The following PDE4B variants were observed in gnomAD, a reference collection of about 807,000 sequenced individuals.
PDE4B encodes the protein 3',5'-cyclic-AMP phosphodiesterase 4B.
A neutral mutation model predicts 82.2 loss-of-function variants in PDE4B; 20 were observed. The ratio of observed to expected loss-of-function variants is 0.24; its 90% confidence interval spans 0.17 to 0.35. The LOEUF (loss-of-function observed/expected upper bound fraction) is 0.35, where lower values mean the gene tolerates loss of function less well. PDE4B is among the 10% of genes least tolerant of loss of function. The probability of loss-of-function intolerance (pLI) is 1.00; values close to 1 mark genes in which losing one functional copy is unlikely to be tolerated. For synonymous variants in PDE4B, 320 were observed against 318.9 expected (o/e 1.00, Z -0.04); for missense variants, 655 against 907.2 (o/e 0.72, Z 3.57).
chr1:66,201,893 T>C (rs1052749025), intron 3 of PDE4B, among the ~76,000 whole-genome samples: 9 of 152,086 alleles, frequency 5.9e-5, no homozygotes, highest in African/African-American at 2.2e-4. Context: ...TGCTAGCTTT[T>C]GAATGTGTTT....
chr1:66,201,669 T>A (rs1386685691), intron 3 of PDE4B, among the ~76,000 whole-genome samples: 1 of 146,176 alleles, frequency 6.8e-6, no homozygotes, highest in East Asian at 2.0e-4. Context: ...GTAGTTGGTA[T>A]TTCTGTGGGA....
intron 3 of PDE4B, among the ~76,000 whole-genome samples, chr1:66,087,356 C>G (rs138654608): frequency 2.0e-5 from 3 of 151,932 alleles, no homozygotes; most frequent in South Asian, 2.1e-4. Flanking sequence ...TTTTTTTCTT[C>G]TAAATTTGTT....
chr1:66,087,534 A>G (rs1035065231), intron 3 of PDE4B, among the ~76,000 whole-genome samples: 3 of 152,000 alleles, frequency 2.0e-5, no homozygotes, highest in African/African-American at 7.2e-5. Flanking sequence ...TTTTGTTGCC[A>G]TTGCTTTTGG....
At chr1:65,953,085 G>C (rs1649086896) in intron 3 of PDE4B, among the ~76,000 whole-genome samples, 1 of 152,044 alleles carries the variant, frequency 6.6e-6, no homozygotes, top group South Asian at 2.1e-4. Context: ...CAAGAGAGAA[G>C]CAGGAATTCT....
intron 1 of PDE4B, among the ~76,000 whole-genome samples, chr1:65,866,876 A>G (rs1646517686): frequency 6.6e-6 from 1 of 152,234 alleles, no homozygotes; most frequent in African/African-American, 2.4e-5. Flanking sequence ...TTGAATCTTG[A>G]CTAAAATTAT....
intron 1 of PDE4B, among the ~76,000 whole-genome samples, chr1:65,890,750 A>G (rs1646844163): frequency 1.3e-5 from 2 of 152,054 alleles, no homozygotes; most frequent in Non-Finnish European, 1.5e-5. Flanking sequence ...TAGAGGAGAC[A>G]TAATATAGAA....
chr1:66,115,497 A>G (rs568613725), intron 3 of PDE4B, among the ~76,000 whole-genome samples: 90 of 152,370 alleles, frequency 5.9e-4, no homozygotes, highest in African/African-American at 2.1e-3. Flanking sequence ...TGAATTCATC[A>G]AGCATTTGGG....
At chr1:66,319,352 C>T (rs566651283) in intron 7 of PDE4B, among the ~76,000 whole-genome samples, 1 of 152,184 alleles carries the variant, frequency 6.6e-6, no homozygotes, top group Non-Finnish European at 1.5e-5. Flanking sequence ...TTTCATTCTA[C>T]AAATAAAGAT....
At chr1:66,320,794 C>T (rs1045120165) in intron 7 of PDE4B, among the ~76,000 whole-genome samples, 1 of 152,096 alleles carries the variant, frequency 6.6e-6, no homozygotes, top group Admixed American at 6.6e-5. Context: ...TAGAGGTTTG[C>T]ATATGGTGTT....
chr1:65,944,809 G>A (rs1291843171), intron 3 of PDE4B, among the ~76,000 whole-genome samples: 1 of 151,816 alleles, frequency 6.6e-6, no homozygotes, highest in Non-Finnish European at 1.5e-5. Context: ...TTTCCCCATA[G>A]GCCCTATGAA....
chr1:65,963,785 C>T (rs1226147512), intron 3 of PDE4B, among the ~76,000 whole-genome samples: 1 of 152,156 alleles, frequency 6.6e-6, no homozygotes, highest in Non-Finnish European at 1.5e-5. Flanking sequence ...ACAATCATTG[C>T]CTTCCAAAAA....
intron 7 of PDE4B, among the ~76,000 whole-genome samples, chr1:66,269,176 G>A (rs1655280001): frequency 1.3e-5 from 2 of 152,176 alleles, no homozygotes; most frequent in Non-Finnish European, 2.9e-5. Flanking sequence ...TTGCACTGAA[G>A]TTAATAGAGG....
At position 66,108,859 on chromosome 1, in the gene PDE4B, A is replaced by C. The variant is rs573370160; in HGVS notation, c.282-138601A>C. Among the ~76,000 whole-genome samples, 3 of 152,140 alleles carry C rather than the reference A, an allele frequency of 2.0e-5. No individual in the cohort carries two copies. In the East Asian group the frequency reaches 5.8e-4, roughly 29 times the overall value. On this transcript the variant is annotated intron_variant, in intron 3 of 16. Transcript: ENST00000341517. ...ATTCAACTGACTCATCAAATCAAAC[A>C]AATGATTTGATATCATTTTCCAATG...
rs532612403 is a variant in PDE4B at position 66,340,804 on chromosome 1, A to AT, written c.747+8188dup. 7.7e-3 allele frequency among the ~76,000 whole-genome samples: 1,179 copies of AT among 152,322 alleles called. 21 individuals carry two copies. Among genetic ancestry groups the AT allele is most frequent in the African/African-American group, 0.027 (1,123 of 41,584 alleles). On this transcript the variant is annotated intron_variant, in intron 8 of 16. Transcript: ENST00000341517. ...TGGCATTTGATATCTAAAAAGATAG[A>AT]TTTTAAGTAGTTGTTTTAGAAAGAA...
At chr1:66,199,572 C>G (rs1167301581) in intron 3 of PDE4B, among the ~76,000 whole-genome samples, 1 of 151,600 alleles carries the variant, frequency 6.6e-6, no homozygotes, top group Non-Finnish European at 1.5e-5. Flanking sequence ...TAAGTTGCCT[C>G]CCATTTTGTA....
intron 3 of PDE4B, among the ~76,000 whole-genome samples, chr1:66,106,131 T>G (rs548201388): frequency 6.6e-6 from 1 of 152,346 alleles, no homozygotes; most frequent in East Asian, 1.9e-4. Context: ...CCTAATTTAT[T>G]GAGAGTTTTT....
At chr1:66,339,837 T>G (rs1557711237) in intron 8 of PDE4B, among the ~76,000 whole-genome samples, 2 of 115,662 alleles carry the variant, frequency 1.7e-5, no homozygotes, top group African/African-American at 3.9e-5. Context: ...TTTTTTTGTT[T>G]GTTTTTTTTG....
intron 1 of PDE4B, among the ~76,000 whole-genome samples, chr1:65,861,879 G>T (rs1646458531): frequency 6.6e-6 from 1 of 152,096 alleles, no homozygotes; most frequent in Non-Finnish European, 1.5e-5. Context: ...GAATGCTTAT[G>T]ATTTTTGCAC....
chr1:65,950,780 TTTG>T (rs1392502829), intron 3 of PDE4B, among the ~76,000 whole-genome samples: 1 of 152,156 alleles, frequency 6.6e-6, no homozygotes, highest in Middle Eastern at 3.4e-3. Flanking sequence ...GGGTGAGCTG[TTTG>T]TTGTTATCTC....
Sources: gnomAD v4.1 joint callset for allele counts (sites outside exome capture counted in the v4.1 genomes callset) on GRCh38, gnomAD v4.1.1 for gene constraint, MANE v1.5 for transcripts, NCBI Gene and HGNC (gene_info 2026-07-23, HGNC 2026-07-21) for gene names.